The following DUSP29 variants were observed in gnomAD, a reference collection of about 807,000 sequenced individuals.
DUSP29 encodes the protein atypical dual-specific protein phosphatase.
In DUSP29, 12 loss-of-function variants were observed where a neutral mutation model predicts 13.5. The ratio of observed to expected loss-of-function variants is 0.89; its 90% confidence interval spans 0.57 to 1.44. DUSP29 has a LOEUF of 1.44. Among genes scored for constraint, DUSP29 ranks in the 40% most tolerant of loss-of-function variants. The probability of loss-of-function intolerance (pLI) is 0.00; values close to 1 mark genes in which losing one functional copy is unlikely to be tolerated. For synonymous variants in DUSP29, 134 were observed against 128.7 expected (o/e 1.04, Z -0.28); for missense variants, 308 against 301.1 (o/e 1.02, Z -0.17).
intron 1 of DUSP29, among the ~76,000 whole-genome samples, chr10:75,071,419 T>G (rs1291745650): frequency 1.3e-5 from 2 of 152,156 alleles, no homozygotes; most frequent in African/African-American, 2.4e-5. Context: ...TGCTGGAAGA[T>G]GCTCACAGCC....
intron 3 of DUSP29, among the ~76,000 whole-genome samples, chr10:75,042,063 T>C (rs946126292): frequency 1.2e-4 from 19 of 152,264 alleles, no homozygotes; most frequent in African/African-American, 4.6e-4. Flanking sequence ...GGCGTGGTTA[T>C]ATGCTTCACA....
chr10:75,055,842 T>C (rs1846946983), intron 2 of DUSP29, among the ~76,000 whole-genome samples: 1 of 152,130 alleles, frequency 6.6e-6, no homozygotes, highest in Admixed American at 6.6e-5. Flanking sequence ...ACTGAGAAAT[T>C]GTGGGTAAAT....
At chr10:75,057,628 A>G (rs564559117) in intron 2 of DUSP29, among the ~76,000 whole-genome samples, 79 of 152,276 alleles carry the variant, frequency 5.2e-4, no homozygotes, top group African/African-American at 1.9e-3. Context: ...TCAAGAAAGG[A>G]TAGTCGTTAT....
At chr10:75,071,787 T>G (rs2134311410) in intron 1 of DUSP29, among the ~76,000 whole-genome samples, 1 of 152,294 alleles carries the variant, frequency 6.6e-6, no homozygotes, top group Non-Finnish European at 1.5e-5. Flanking sequence ...AAATGTTATA[T>G]TTTCCAAGAC....
Position 75,044,017 on chromosome 10 carries a change from C to G in DUSP29, c.201G>C (p.Glu67Asp). 1 of 1,608,120 alleles carries G rather than the reference C, an allele frequency of 6.2e-7. No individual in the cohort carries two copies. Among genetic ancestry groups the G allele is most frequent in the Non-Finnish European group, 8.5e-7 (1 of 1,178,072 alleles). ...GCCTATAGCGGTCCAGCGCCGTCGC[C>G]CTGGGCGCAGGGGAGAGAAATCTGT... ...EVWPKLYIGD[E>D]ATALDRYRLQ... is the part of the protein sequence containing the mutation. Residue 67 changes from glutamate to aspartate, a missense_variant and splice_region_variant, in exon 3 of 4, where the codon GAG becomes GAC. Coordinates refer to ENST00000338487, the MANE Select transcript of DUSP29 (RefSeq NM_001003892.3).
chr10:75,058,518 A>G lies in DUSP29; in HGVS notation c.-4T>C, dbSNP rs1235641213. The G allele has an allele frequency of 1.9e-6, 3 of 1,613,930 alleles. No individual in the cohort carries two copies. The highest frequency in any genetic ancestry group is 1.6e-4 in the Middle Eastern group (1 of 6,084). ...TCTTCACTTCTCCAGATGTCATTTT[A>G]GAGCCAAGGGATTTTCTCTCCTTTC... On this transcript the variant is annotated 5_prime_UTR_variant, in exon 2 of 4. An upstream open reading frame in the 5' UTR loses its in-frame stop. Transcript: ENST00000338487.
chr10:75,048,216 C>A (rs188008648), intron 2 of DUSP29, among the ~76,000 whole-genome samples: 1 of 152,022 alleles, frequency 6.6e-6, no homozygotes, highest in South Asian at 2.1e-4. Flanking sequence ...AAATTGCAGT[C>A]CGTATTCTTT....
At chr10:75,064,339 C>T (rs979511005) in intron 1 of DUSP29, among the ~76,000 whole-genome samples, 2 of 152,166 alleles carry the variant, frequency 1.3e-5, no homozygotes, top group Admixed American at 1.3e-4. Flanking sequence ...GAAACCCCGT[C>T]TCTACCAAAA....
rs758347708 is a variant in DUSP29, at chr10:75,037,983, G to A, written c.516C>T (p.Asp172=). Residue 172 remains aspartate, a synonymous_variant, in exon 4 of 4, where the codon GAC becomes GAT. Transcript: ENST00000338487. ...GGTTCTTGGCCACTTGCTGGATGGCGTCCACCAGGGTCATGTCCTTGTGGA... is the reference window on the plus strand; with the variant it reads ...GGTTCTTGGCCACTTGCTGGATGGCATCCACCAGGGTCATGTCCTTGTGGA... The part of the protein sequence containing the change: ...LMIHKDMTLV[D]AIQQVAKNRC... 164 of 1,613,934 alleles carry A rather than the reference G, an allele frequency of 1.0e-4. No homozygotes were observed. The highest frequency in any genetic ancestry group is 1.3e-4 in the Non-Finnish European group (157 of 1,180,042).
intron 1 of DUSP29, among the ~76,000 whole-genome samples, chr10:75,066,366 C>T (rs1421293151): frequency 6.6e-6 from 1 of 152,014 alleles, no homozygotes; most frequent in Admixed American, 6.6e-5. Flanking sequence ...CACACAACAG[C>T]CATGTTCTCG....
intron 3 of DUSP29, among the ~76,000 whole-genome samples, chr10:75,041,709 C>T (rs972959494): frequency 3.3e-5 from 5 of 152,206 alleles, no homozygotes; most frequent in African/African-American, 9.7e-5. Flanking sequence ...GCCATCTGGT[C>T]GAGTCCCGGC....
Position 75,037,849 on chromosome 10 carries a change from C to A in DUSP29, c.650G>T (p.Gly217Val), listed in dbSNP as rs1254347308. 1 of 1,605,980 alleles carries A rather than the reference C, an allele frequency of 6.2e-7. No homozygotes were observed. Residue 217 changes from glycine to valine, a missense_variant, in exon 4 of 4, where the codon GGC becomes GTC. Coordinates refer to ENST00000338487, the MANE Select transcript of DUSP29 (RefSeq NM_001003892.3). ...TGTGAGTCGGGCCTACAGCTCCCTGCCATCCTCCTCCTCACCGTCCTGGCG... is the reference window on the plus strand; with the variant it reads ...TGTGAGTCGGGCCTACAGCTCCCTGACATCCTCCTCCTCACCGTCCTGGCG... Reference protein sequence around the residue: ...SQRQDGEEEDGREL With the variant: ...SQRQDGEEEDVREL
intron 3 of DUSP29, among the ~76,000 whole-genome samples, chr10:75,042,888 G>A (rs1191949341): frequency 2.0e-5 from 3 of 152,262 alleles, no homozygotes; most frequent in African/African-American, 7.2e-5. Flanking sequence ...TCAGAGCACA[G>A]ATTAGGGAGC....
chr10:75,070,704 T>C (rs1209568123), intron 1 of DUSP29, among the ~76,000 whole-genome samples: 1 of 151,982 alleles, frequency 6.6e-6, no homozygotes, highest in East Asian at 1.9e-4. Flanking sequence ...GCGGAGGAGA[T>C]GGACTCATGT....
intron 3 of DUSP29, among the ~76,000 whole-genome samples, chr10:75,042,548 G>A (rs1246255655): frequency 1.3e-5 from 2 of 152,234 alleles, no homozygotes; most frequent in South Asian, 2.1e-4. Flanking sequence ...GGAAGGCCTG[G>A]AAATGAGGCA....
intron 1 of DUSP29, among the ~76,000 whole-genome samples, chr10:75,070,113 GGAAGGAAGGAAGGA>G (rs1564647503): frequency 2.4e-5 from 3 of 124,184 alleles, no homozygotes; most frequent in Non-Finnish European, 3.2e-5. Flanking sequence ...AAGGAAGGAA[GGAAGGAAGGAAGGA>G]AGGAAGGAAG....
chr10:75,068,780 C>T (rs1422829457), intron 1 of DUSP29, among the ~76,000 whole-genome samples: 1 of 152,034 alleles, frequency 6.6e-6, no homozygotes, highest in Non-Finnish European at 1.5e-5. Context: ...TAAATATGTA[C>T]ATATTTTTAA....
intron 2 of DUSP29, among the ~76,000 whole-genome samples, chr10:75,057,366 C>CATGAGA (rs1245973159): frequency 6.6e-6 from 1 of 152,118 alleles, no homozygotes; most frequent in Non-Finnish European, 1.5e-5. Flanking sequence ...TGAGATGGAA[C>CATGAGA]ATGGCTGGAG....
intron 1 of DUSP29, among the ~76,000 whole-genome samples, chr10:75,062,729 G>C (rs1469337198): frequency 6.6e-6 from 1 of 152,142 alleles, no homozygotes; most frequent in African/African-American, 2.4e-5. Context: ...CTGTTTCCCA[G>C]ATCACAGCCA....
Sources: gnomAD v4.1 joint callset for allele counts (sites outside exome capture counted in the v4.1 genomes callset) on GRCh38, gnomAD v4.1.1 for gene constraint, MANE v1.5 for transcripts, NCBI Gene and HGNC (gene_info 2026-07-23, HGNC 2026-07-21) for gene names.